Variants in ROR1 observed in about 807,000 individuals in gnomAD.
The protein encoded by ROR1 is ROR family WNT receptor 1.
In ROR1, 19 loss-of-function variants were observed where a neutral mutation model predicts 78.8. That is an observed-to-expected ratio of 0.24 (90% CI 0.17 to 0.35). ROR1 has a LOEUF of 0.35. Ranked by LOEUF, ROR1 falls within the 10% of genes least tolerant of loss-of-function variation. The probability of loss-of-function intolerance (pLI) is 1.00; values close to 1 mark genes in which losing one functional copy is unlikely to be tolerated. For synonymous variants in ROR1, 386 were observed against 433.6 expected (o/e 0.89, Z 1.36); for missense variants, 917 against 1,177.8 (o/e 0.78, Z 3.24).
intron 1 of ROR1, among the ~76,000 whole-genome samples, chr1:63,808,988 G>A (rs1046496563): frequency 6.6e-6 from 1 of 152,148 alleles, no homozygotes; most frequent in African/African-American, 2.4e-5. Flanking sequence ...GGGGCTAGAT[G>A]TAGTCATCTT....
intron 4 of ROR1, among the ~76,000 whole-genome samples, chr1:64,050,976 C>CCGT (rs1202270393): frequency 6.6e-6 from 1 of 152,108 alleles, no homozygotes; most frequent in Non-Finnish European, 1.5e-5. Context: ...TAGAAGGAAT[C>CCGT]TAACATTTAG....
At chr1:63,916,961 T>C (rs1053208969) in intron 1 of ROR1, among the ~76,000 whole-genome samples, 2 of 152,224 alleles carry the variant, frequency 1.3e-5, no homozygotes, top group African/African-American at 4.8e-5. Context: ...CTGTGCAGGG[T>C]CCAGCCTCAG....
intron 4 of ROR1, among the ~76,000 whole-genome samples, chr1:64,101,226 C>T (rs1191914080): frequency 1.3e-5 from 2 of 152,064 alleles, no homozygotes; most frequent in African/African-American, 4.8e-5. Context: ...TAAACTGGGA[C>T]ATCAAGGGAC....
intron 1 of ROR1, among the ~76,000 whole-genome samples, chr1:63,787,279 G>A (rs531809424): frequency 1.5e-4 from 23 of 152,186 alleles, no homozygotes; most frequent in South Asian, 1.2e-3. Context: ...CACATAGGCC[G>A]TCTAAATCAC....
At chr1:63,795,590 A>G (rs1644755545) in intron 1 of ROR1, among the ~76,000 whole-genome samples, 1 of 152,142 alleles carries the variant, frequency 6.6e-6, no homozygotes, top group South Asian at 2.1e-4. Context: ...TCGTGAAAAT[A>G]CAGTTCCAAG....
chr1:63,903,331 G>A (rs978528886), intron 1 of ROR1, among the ~76,000 whole-genome samples: 6 of 152,106 alleles, frequency 3.9e-5, no homozygotes, highest in East Asian at 3.9e-4. Context: ...GTTGAATTTC[G>A]GGTTGGAGTG....
intron 4 of ROR1, among the ~76,000 whole-genome samples, chr1:64,129,388 A>G (rs1648833678): frequency 6.6e-6 from 1 of 152,226 alleles, no homozygotes; most frequent in Admixed American, 6.5e-5. Context: ...CTAGATTGGT[A>G]TGTGTGAATT....
chr1:63,776,393 ACTC>A (rs1644616335), intron 1 of ROR1, among the ~76,000 whole-genome samples: 1 of 151,738 alleles, frequency 6.6e-6, no homozygotes, highest in Non-Finnish European at 1.5e-5. Context: ...CACAGACAAA[ACTC>A]CTCAGACACC....
rs775236318 is a variant in ROR1 at position 64,049,860 on chromosome 1, C to A, written c.333C>A (p.Ile111=). Residue 111 remains isoleucine, a synonymous_variant, in exon 3 of 9, where the codon ATC becomes ATA. Transcript: ENST00000371079. Reference sequence around the variant, plus strand: ...GGAGGCTCTCCTTTCGGTCCACCATCTATGGCTCTCGGCTGCGGATTAGAA... The same window carrying A: ...GGAGGCTCTCCTTTCGGTCCACCATATATGGCTCTCGGCTGCGGATTAGAA... ...EPRRLSFRST[I]YGSRLRIRNL... is the part of the protein sequence containing the mutation. 1.9e-6 allele frequency: 3 copies of A among 1,614,242 alleles called. No homozygotes were observed. Among genetic ancestry groups the A allele is most frequent in the Non-Finnish European group, 8.5e-7 (1 of 1,180,038 alleles).
chr1:64,008,984 G>A (rs1646453268), intron 1 of ROR1, among the ~76,000 whole-genome samples: 1 of 152,094 alleles, frequency 6.6e-6, no homozygotes, highest in Admixed American at 6.5e-5. Flanking sequence ...ATCTCATTGT[G>A]GTTTTGATTT....
intron 1 of ROR1, among the ~76,000 whole-genome samples, chr1:63,969,050 T>G (rs1310920308): frequency 1.3e-5 from 2 of 152,120 alleles, no homozygotes; most frequent in Non-Finnish European, 2.9e-5. Flanking sequence ...CAGGGGGGTG[T>G]GGGAGAAGAA....
intron 1 of ROR1, among the ~76,000 whole-genome samples, chr1:63,814,855 A>G (rs1026679054): frequency 6.6e-6 from 1 of 152,182 alleles, no homozygotes; most frequent in African/African-American, 2.4e-5. Flanking sequence ...GCCATGGACC[A>G]GTAGGAGACC....
intron 7 of ROR1, among the ~76,000 whole-genome samples, chr1:64,148,736 T>A (rs991492664): frequency 6.6e-6 from 1 of 152,180 alleles, no homozygotes; most frequent in African/African-American, 2.4e-5. Context: ...TTGTAAATTC[T>A]GGGAATTGGC....
intron 1 of ROR1, among the ~76,000 whole-genome samples, chr1:63,830,011 G>A (rs1644977665): frequency 2.0e-5 from 3 of 147,552 alleles, no homozygotes; most frequent in Admixed American, 2.0e-4. Context: ...ATAGCAATGA[G>A]GCCAAAAAAA....
chr1:64,090,716 C>T (rs1461387808), intron 4 of ROR1, among the ~76,000 whole-genome samples: 1 of 152,140 alleles, frequency 6.6e-6, no homozygotes, highest in Non-Finnish European at 1.5e-5. Context: ...GGATGGTTTT[C>T]CTCAGTGAAA....
At position 64,049,821 on chromosome 1, in the gene ROR1, G is replaced by A. The variant is rs200186767; in HGVS notation, c.294G>A (p.Val98=). The A allele has an allele frequency of 3.2e-5, 51 of 1,614,058 alleles. No individual in the cohort carries two copies. Among genetic ancestry groups the A allele is most frequent in the Middle Eastern group, 3.3e-4 (2 of 6,084 alleles). The change falls in exon 3 of 9, where the codon GTG becomes GTA. Residue 98 remains valine, a synonymous_variant. Transcript: ENST00000371079. The part of the protein sequence containing the change: ...TIRWFKNDAP[V]VQEPRRLSFR... ...GCTGGTTCAAAAATGATGCTCCTGT[G>A]GTCCAGGAGCCCCGGAGGCTCTCCT...
At chr1:63,922,887 A>G (rs1445778350) in intron 1 of ROR1, among the ~76,000 whole-genome samples, 1 of 152,164 alleles carries the variant, frequency 6.6e-6, no homozygotes, top group Non-Finnish European at 1.5e-5. Flanking sequence ...GGTTGTTTCC[A>G]TATTCCCCTG....
chr1:63,980,161 A>G (rs285343), intron 1 of ROR1, among the ~76,000 whole-genome samples: 100,294 of 151,412 alleles, frequency 0.66, 37,850 homozygotes, highest in East Asian at 0.94. Context: ...ATATATATAT[A>G]TATATTTGGT....
chr1:63,992,245 G>T (rs776666476), intron 1 of ROR1, among the ~76,000 whole-genome samples: 2 of 151,308 alleles, frequency 1.3e-5, no homozygotes, highest in Non-Finnish European at 2.9e-5. Context: ...TTGCTCTGTC[G>T]CCAGGCTGGT....
Sources: gnomAD v4.1 joint callset for allele counts (sites outside exome capture counted in the v4.1 genomes callset) on GRCh38, gnomAD v4.1.1 for gene constraint, MANE v1.5 for transcripts, NCBI Gene and HGNC (gene_info 2026-07-23, HGNC 2026-07-21) for gene names.